TGFBI: variants seen among roughly 807,000 people sequenced by gnomAD.
TGFBI encodes the protein transforming growth factor beta induced.
A neutral mutation model predicts 73.7 loss-of-function variants in TGFBI; 50 were observed. That is an observed-to-expected ratio of 0.68 (90% CI 0.54 to 0.86). TGFBI has a LOEUF of 0.86. Ranked by LOEUF, TGFBI falls within the 40% of genes least tolerant of loss-of-function variation. The pLI is 0.00. For missense variants in TGFBI, 839 were observed against 877.0 expected (o/e 0.96, Z 0.55); for synonymous variants, 362 against 360.5 (o/e 1.00, Z -0.05).
intron 2 of TGFBI, among the ~76,000 whole-genome samples, chr5:136,036,038 T>C (rs1751215378): frequency 2.6e-5 from 4 of 152,202 alleles, no homozygotes; most frequent in Admixed American, 2.6e-4. Flanking sequence ...CTCTTGTACC[T>C]GTATCTTTGT....
In TGFBI at chr5:136,039,633, G is replaced by A. The variant is rs539593010; in HGVS notation, c.234-4425G>A. On this transcript the variant is annotated intron_variant, in intron 2 of 16. Transcript: ENST00000442011. ...GGAGCTTGGGAACTGAGGAGACACAGTCAGCCTCCAGGAGTGCCCAAAATG... is the reference window on the plus strand; with the variant it reads ...GGAGCTTGGGAACTGAGGAGACACAATCAGCCTCCAGGAGTGCCCAAAATG... 3.3e-5 allele frequency among the ~76,000 whole-genome samples: 5 copies of A among 152,348 alleles called. No homozygotes were observed. In the South Asian group the frequency reaches 8.3e-4, roughly 25 times the overall value.
At chr5:136,044,826 C>T (rs1253596369) in intron 3 of TGFBI, 2 of 152,176 alleles carry the variant, frequency 1.3e-5, no homozygotes. Flanking sequence ...AGGACCCATT[C>T]TAGGATGCCA....
chr5:136,046,261 C>A, intron 3 of TGFBI, 74 bp from the exon 4 acceptor site: 1 of 1,573,576 alleles, frequency 6.4e-7, no homozygotes, highest in Non-Finnish European at 8.7e-7. Flanking sequence ...ACCGTGCTCT[C>A]TGTCAGAGAA....
chr5:136,061,116 C>A (rs1476048775), intron 14 of TGFBI, 180 bp downstream of exon 14: 2 of 603,502 alleles, frequency 3.3e-6, no homozygotes, highest in Non-Finnish European at 5.9e-6. Flanking sequence ...ATGCACCACA[C>A]TAAGGAATGT....
At chr5:136,037,818 A>G (rs1751255276) in intron 2 of TGFBI, among the ~76,000 whole-genome samples, 1 of 152,176 alleles carries the variant, frequency 6.6e-6, no homozygotes, top group Non-Finnish European at 1.5e-5. Context: ...CAGCTGGTGC[A>G]TGGTCGAGCT....
At chr5:136,061,710 C>T in intron 15 of TGFBI, 131 bp downstream of exon 15, 1 of 751,528 alleles carries the variant, frequency 1.3e-6, no homozygotes, top group Admixed American at 2.0e-5. Context: ...CTCCCCACTC[C>T]CACTGAGGCA....
rs1041476018 is a variant in TGFBI at position 136,032,593 on chromosome 5, A to T, written c.135-1170A>T. Among the ~76,000 whole-genome samples, 9 of 152,212 alleles carry T rather than the reference A, an allele frequency of 5.9e-5. 1 individual carries two copies. The highest frequency in any genetic ancestry group is 1.3e-4 in the Non-Finnish European group (9 of 68,052). On this transcript the variant is annotated intron_variant, in intron 1 of 16. Coordinates refer to ENST00000442011, the MANE Select transcript of TGFBI (RefSeq NM_000358.3). ...GAAATTGATGTTAAAGAAATACTTC[A>T]TCCTTTGGGTGATACCTGAAGTTCT...
At chr5:136,057,702 GC>G (rs1335252680) in intron 12 of TGFBI, among the ~76,000 whole-genome samples, 2 of 152,014 alleles carry the variant, frequency 1.3e-5, no homozygotes, top group Non-Finnish European at 2.9e-5. Flanking sequence ...AAACCTTGGG[GC>G]CCACATTGTC....
At position 136,055,738 on chromosome 5, in the gene TGFBI, C is replaced by T. The variant is rs1355878601; in HGVS notation, c.1469C>T (p.Thr490Ile). The change falls in exon 11 of 17, where the codon ACC becomes ATC. Residue 490 changes from threonine (T) to isoleucine (I), a missense_variant. Thr to Ile is a moderately conservative substitution (Grantham distance 89). Transcript: ENST00000442011. ...AAHDKRGRYG[T>I]LFTMDRVLTP... ...CACGACAAGAGGGGGAGGTACGGGA[C>T]CCTGTTCACGATGGACCGGGTGCTG... 11 of 1,612,640 alleles carry T rather than the reference C, an allele frequency of 6.8e-6. No individual in the cohort carries two copies. Among genetic ancestry groups the T allele is most frequent in the Non-Finnish European group, 8.5e-6 (10 of 1,178,938 alleles).
At chr5:136,051,969 T>G (rs1279751076) in intron 7 of TGFBI, among the ~76,000 whole-genome samples, 1 of 152,218 alleles carries the variant, frequency 6.6e-6, no homozygotes, top group Non-Finnish European at 1.5e-5. Context: ...GTTCCCACAC[T>G]TGGGATCAGA....
chr5:136,060,525 A>G (rs1197251073), intron 13 of TGFBI, among the ~76,000 whole-genome samples: 1 of 152,226 alleles, frequency 6.6e-6, no homozygotes, highest in Non-Finnish European at 1.5e-5. Context: ...AGCCTGGCCA[A>G]CGTGGTGAAA....
chr5:136,033,741 A>C (rs1392420443), intron 1 of TGFBI, 22 bp from the exon 2 acceptor site: 1 of 1,609,584 alleles, frequency 6.2e-7, no homozygotes, highest in East Asian at 2.2e-5. Flanking sequence ...CATCTTCCTA[A>C]TTCTGCTGCT....
chr5:136,044,441 T>G (rs1188565895), intron 3 of TGFBI, among the ~76,000 whole-genome samples: 1 of 151,858 alleles, frequency 6.6e-6, no homozygotes, highest in Non-Finnish European at 1.5e-5. Context: ...TGGCTGGGAG[T>G]GATTCTAAAC....
intron 10 of TGFBI, chr5:136,055,163 C>G (rs758638048): frequency 2.8e-6 from 1 of 351,014 alleles, no homozygotes; most frequent in Non-Finnish European, 5.2e-6. Context: ...CAGACTCTTT[C>G]TGAGCTTATG....
chr5:136,054,788 C>CT lies in TGFBI; in HGVS notation c.1338dup (p.Lys447Ter). On this transcript the variant is annotated frameshift_variant, in exon 10 of 17. Transcript: ENST00000442011. LOFTEE classifies it high-confidence loss of function. ...CACATAATTAAAGACCAGCTGGCCT[C>CT]TAAGTATCTGTACCATGGACAGACC... 1 of 1,613,946 alleles carries CT rather than the reference C, an allele frequency of 6.2e-7. No homozygotes were observed. Among genetic ancestry groups the CT allele is most frequent in the Non-Finnish European group, 8.5e-7 (1 of 1,179,890 alleles).
chr5:136,031,914 C>T (rs2237066), intron 1 of TGFBI, among the ~76,000 whole-genome samples: 58,704 of 152,070 alleles, frequency 0.39, 13,306 homozygotes, highest in Non-Finnish European at 0.51. Context: ...GCAGTGGAAA[C>T]ATTCAGCAAA....
chr5:136,040,725 GATTAGATTC>G (rs1751317229), intron 2 of TGFBI, among the ~76,000 whole-genome samples: 1 of 152,256 alleles, frequency 6.6e-6, no homozygotes, highest in African/African-American at 2.4e-5. Context: ...TGGCTGATGA[GATTAGATTC>G]AGAAACCAAC....
At chr5:136,054,136 CT>C (rs1751585135) in intron 9 of TGFBI, 56 bp downstream of exon 9, 13 of 1,588,784 alleles carry the variant, frequency 8.2e-6, no homozygotes, top group Admixed American at 5.1e-5. Context: ...TTCCCCACCC[CT>C]GTCACCTCCA....
chr5:136,029,392 C>T (rs961288821), intron 1 of TGFBI, among the ~76,000 whole-genome samples: 2 of 152,150 alleles, frequency 1.3e-5, no homozygotes, highest in Non-Finnish European at 2.9e-5. Flanking sequence ...GGAGGGAAAG[C>T]GGGAGGCCGC....
Sources: gnomAD v4.1 joint callset for allele counts (sites outside exome capture counted in the v4.1 genomes callset) on GRCh38, gnomAD v4.1.1 for gene constraint, MANE v1.5 for transcripts, NCBI Gene and HGNC (gene_info 2026-07-23, HGNC 2026-07-21) for gene names.